The following POLR3G variants were observed in gnomAD, a reference collection of about 807,000 sequenced individuals.
POLR3G encodes the protein RNA polymerase III subunit G.
In POLR3G, 28 loss-of-function variants were observed where a neutral mutation model predicts 30.1. The ratio of observed to expected loss-of-function variants is 0.93; its 90% CI spans 0.69 to 1.27. The LOEUF is 1.27. POLR3G is among the 50% of genes most tolerant of loss of function. The probability of loss-of-function intolerance (pLI) is 0.00; values close to 1 mark genes in which losing one functional copy is unlikely to be tolerated. For missense variants in POLR3G, 254 were observed against 264.6 expected (o/e 0.96, Z 0.28); for synonymous variants, 79 against 82.5 (o/e 0.96, Z 0.23).
intron 3 of POLR3G, among the ~76,000 whole-genome samples, chr5:90,494,962 C>T (rs115508651): frequency 6.6e-6 from 1 of 152,094 alleles, no homozygotes; most frequent in Non-Finnish European, 1.5e-5. Flanking sequence ...CATTGTGTTA[C>T]AAATTCTAGG....
chr5:90,490,736 A>G (rs968276686), intron 3 of POLR3G: 5 of 291,436 alleles, frequency 1.7e-5, no homozygotes, highest in African/African-American at 8.9e-5. Context: ...ATAGTGTTTA[A>G]AAAACACACG....
Position 90,501,999 on chromosome 5 carries a change from C to G in POLR3G, c.438+11C>G. The G allele has an allele frequency of 1.9e-6, 3 of 1,609,824 alleles. No individual in the cohort carries two copies. Among genetic ancestry groups the G allele is most frequent in the Non-Finnish European group, 2.5e-6 (3 of 1,177,694 alleles). On this transcript the variant is annotated intron_variant, in intron 6 of 7. Coordinates refer to ENST00000651687, the MANE Select transcript of POLR3G (RefSeq NM_006467.3). ...TTGAAAAAAATGGAGGTAAGGTTTTCTTCTTACTATACAAGTGAACTGAAA... is the reference window on the plus strand; with the variant it reads ...TTGAAAAAAATGGAGGTAAGGTTTTGTTCTTACTATACAAGTGAACTGAAA...
chr5:90,508,850 T>C (rs1032348812), intron 7 of POLR3G, among the ~76,000 whole-genome samples: 2 of 152,032 alleles, frequency 1.3e-5, no homozygotes, highest in African/African-American at 4.8e-5. Context: ...GATCACGAGG[T>C]CAGGAGTTCA....
At chr5:90,494,715 C>T (rs1751900429) in intron 3 of POLR3G, among the ~76,000 whole-genome samples, 1 of 151,946 alleles carries the variant, frequency 6.6e-6, no homozygotes, top group African/African-American at 2.4e-5. Context: ...AAATCCTTTA[C>T]CTCTTTTTAA....
chr5:90,492,004 T>A (rs566125365), intron 3 of POLR3G, among the ~76,000 whole-genome samples: 17 of 152,328 alleles, frequency 1.1e-4, no homozygotes, highest in Non-Finnish European at 1.8e-4. Context: ...TTTAATACAA[T>A]TGAAAATTTC....
rs1201395464 is a variant in POLR3G, at chr5:90,514,435, CTTAT to C, written c.*2300_*2303del. On this transcript the variant is annotated 3_prime_UTR_variant, in exon 8 of 8. Coordinates refer to ENST00000651687, the MANE Select transcript of POLR3G (RefSeq NM_006467.3). ...TTATAGTAAGATGTTTTATTTTGAA[CTTAT>C]TTAAATGTTTATTTGTTAGAGAAAA... is the stretch of plus-strand genomic sequence containing the variant. 5 of 147,406 alleles carry C rather than the reference CTTAT, an allele frequency of 3.4e-5. No individual in the cohort carries two copies. Among genetic ancestry groups the C allele is most frequent in the Non-Finnish European group, 7.4e-5 (5 of 67,154 alleles). The allele number at this position is 147,406 out of a possible 1,614,324, so 9.1% of individuals were successfully genotyped here. A position where few individuals can be genotyped will look rare whatever the true frequency, so the allele number is the denominator to read the frequency against.
rs1422620781 is a variant in POLR3G, at chr5:90,512,815, G to A, written c.*676G>A. 1 of 152,192 alleles carries A rather than the reference G, an allele frequency of 6.6e-6. No homozygotes were observed. The highest frequency in any genetic ancestry group is 1.5e-5 in the Non-Finnish European group (1 of 67,968). The allele number at this position is 152,192 out of a possible 1,614,324, so 9.4% of individuals were successfully genotyped here. ...ATACTTGAATTTGAGACTTAATACT[G>A]TATATGAATTAATCATCCCACTGTA... On this transcript the variant is annotated 3_prime_UTR_variant, in exon 8 of 8. Coordinates refer to ENST00000651687, the MANE Select transcript of POLR3G (RefSeq NM_006467.3).
At chr5:90,505,673 T>C (rs1381437852) in intron 6 of POLR3G, among the ~76,000 whole-genome samples, 2 of 152,136 alleles carry the variant, frequency 1.3e-5, no homozygotes, top group Non-Finnish European at 2.9e-5. Flanking sequence ...CTGCCAGATA[T>C]ATTAAGAAAC....
intron 1 of POLR3G, among the ~76,000 whole-genome samples, chr5:90,478,200 CT>C (rs34379506): frequency 0.24 from 37,181 of 152,014 alleles, 5,010 homozygotes; most frequent in Middle Eastern, 0.32. Flanking sequence ...TTAAAATTGA[CT>C]TTTTTATTTC....
Position 90,485,558 on chromosome 5 carries a change from A to G in POLR3G, c.-10A>G. ...AGAATTTGCCCACTCATCTGGTATA[A>G]CTGGTTCTGATGGCTGGGAATAAAG... On this transcript the variant is annotated 5_prime_UTR_variant, in exon 2 of 8. Coordinates refer to ENST00000651687, the MANE Select transcript of POLR3G (RefSeq NM_006467.3). The G allele has an allele frequency of 6.3e-7, 1 of 1,597,982 alleles. No homozygotes were observed. The highest frequency in any genetic ancestry group is 8.6e-7 in the Non-Finnish European group (1 of 1,166,918).
intron 1 of POLR3G, among the ~76,000 whole-genome samples, chr5:90,482,078 C>T (rs7712322): frequency 0.73 from 111,426 of 152,092 alleles, 40,999 homozygotes; most frequent in Admixed American, 0.78. Flanking sequence ...TAGTTTAAAA[C>T]GACAACATTA....
At chr5:90,483,269 C>A (rs571131576) in intron 1 of POLR3G, among the ~76,000 whole-genome samples, 5 of 152,182 alleles carry the variant, frequency 3.3e-5, no homozygotes, top group Admixed American at 2.6e-4. Context: ...ATTGCAATTC[C>A]CCTGTCTTGA....
intron 1 of POLR3G, among the ~76,000 whole-genome samples, chr5:90,484,485 C>T (rs1489274403): frequency 1.3e-5 from 2 of 152,180 alleles, no homozygotes; most frequent in Non-Finnish European, 2.9e-5. Context: ...GATATAAAGA[C>T]GTAGCACCTT....
chr5:90,506,714 TTTATCTAATAAGGA>T (rs2151914613), intron 7 of POLR3G, 40 bp downstream of exon 7: 1 of 1,565,010 alleles, frequency 6.4e-7, no homozygotes, highest in East Asian at 2.2e-5. Flanking sequence ...ATTAATAAGG[TTTATCTAATAAGGA>T]ATCAGATATA....
rs1752806758 is a variant in POLR3G, at chr5:90,512,990, TTA to T, written c.*853_*854del. The T allele has an allele frequency of 6.6e-6, 1 of 152,078 alleles. No homozygotes were observed. The highest frequency in any genetic ancestry group is 1.5e-5 in the Non-Finnish European group (1 of 67,948). The allele number at this position is 152,078 out of a possible 1,614,324, so 9.4% of individuals were successfully genotyped here. On this transcript the variant is annotated 3_prime_UTR_variant, in exon 8 of 8. Transcript: ENST00000651687. ...CTATGAAGTGAAGTGTGGTGGCCTT[TTA>T]TGTTTCAGAGTACTCAAGTGTACAA...
intron 3 of POLR3G, chr5:90,490,571 ATTTTTT>A: frequency 1.3e-5 from 4 of 314,504 alleles, no homozygotes; most frequent in Non-Finnish European, 2.4e-5. Flanking sequence ...CTAACTTTTA[ATTTTTT>A]TTTTTTTTTT....
upstream of POLR3G, chr5:90,474,485 C>G: frequency 1.7e-6 from 1 of 594,550 alleles, no homozygotes; most frequent in East Asian, 2.9e-5. Flanking sequence ...CTGCCCGTAG[C>G]GTGCGCTCCC....
At chr5:90,495,762 A>T in intron 4 of POLR3G, 29 bp downstream of exon 4, 2 of 1,560,258 alleles carry the variant, frequency 1.3e-6, no homozygotes, top group Non-Finnish European at 1.7e-6. Context: ...ATATGAAAAC[A>T]GTTTTTAAAG....
rs1160991740 is a variant in POLR3G at position 90,514,279 on chromosome 5, C to T, written c.*2140C>T. 1 of 152,150 alleles carries T rather than the reference C, an allele frequency of 6.6e-6. No homozygotes were observed. Among genetic ancestry groups the T allele is most frequent in the East Asian group, 1.9e-4 (1 of 5,192 alleles). The allele number at this position is 152,150 out of a possible 1,614,324, so 9.4% of individuals were successfully genotyped here. A position where few individuals can be genotyped will look rare whatever the true frequency, so the allele number is the denominator to read the frequency against. The stretch of plus-strand genomic sequence containing the variant: ...GTGAATGTTATTTTGCAGAATTAGC[C>T]TCTTACATAAAAGTATTTGTTGAAG... On this transcript the variant is annotated 3_prime_UTR_variant, in exon 8 of 8. Coordinates refer to ENST00000651687, the MANE Select transcript of POLR3G (RefSeq NM_006467.3).
Sources: gnomAD v4.1 joint callset for allele counts (sites outside exome capture counted in the v4.1 genomes callset) on GRCh38, gnomAD v4.1.1 for gene constraint, MANE v1.5 for transcripts, NCBI Gene and HGNC (gene_info 2026-07-23, HGNC 2026-07-21) for gene names.